The following HSPBAP1 variants were observed in gnomAD, a reference collection of about 807,000 sequenced individuals.
HSPBAP1 encodes the protein HSPB1-associated protein 1.
HSPBAP1 carries 27 observed loss-of-function variants against 45.2 expected under a neutral mutation model. The observed-to-expected ratio is 0.60, with a 90% confidence interval of 0.44 to 0.82. The LOEUF (loss-of-function observed/expected upper bound fraction) is 0.82, where lower values mean the gene tolerates loss of function less well. Among genes scored for constraint, HSPBAP1 ranks in the 40% least tolerant of loss-of-function variants. The pLI, the probability that HSPBAP1 is intolerant of heterozygous loss-of-function variation, is 0.00. For missense variants in HSPBAP1, 510 were observed against 590.9 expected (o/e 0.86, Z 1.42); for synonymous variants, 204 against 202.7 (o/e 1.01, Z -0.06).
chr3:122,775,665 C>T (rs1008139449), intron 2 of HSPBAP1, among the ~76,000 whole-genome samples: 1 of 152,108 alleles, frequency 6.6e-6, no homozygotes, highest in African/African-American at 2.4e-5. Context: ...GTGGAAAAAA[C>T]TGGAACTCTC....
In HSPBAP1 at chr3:122,793,737, T is replaced by C. The variant is rs1162444558; in HGVS notation, c.-57A>G. 119 of 1,552,532 alleles carry C rather than the reference T, an allele frequency of 7.7e-5. 2 individuals are homozygous for C. In the Middle Eastern group the frequency reaches 1.0e-3, roughly 13 times the overall value. On this transcript the variant is annotated 5_prime_UTR_variant, in exon 1 of 8. Transcript: ENST00000306103. ...AAGGCGGAGCGGAGCTGGGGTGGGGTCAGAGTAGGGGCCAAACTCCGAGAC... is the reference window on the plus strand; with the variant it reads ...AAGGCGGAGCGGAGCTGGGGTGGGGCCAGAGTAGGGGCCAAACTCCGAGAC...
chr3:122,757,327 T>C (rs1397167353), intron 4 of HSPBAP1, among the ~76,000 whole-genome samples: 1 of 152,168 alleles, frequency 6.6e-6, no homozygotes, highest in African/African-American at 2.4e-5. Flanking sequence ...GCACAACATA[T>C]ACTGGACAAC....
At chr3:122,791,020 T>A (rs1425602845) in intron 1 of HSPBAP1, among the ~76,000 whole-genome samples, 1 of 152,202 alleles carries the variant, frequency 6.6e-6, no homozygotes, top group Non-Finnish European at 1.5e-5. Flanking sequence ...CTATTAATAA[T>A]AAAAATGGTC....
intron 5 of HSPBAP1, chr3:122,753,082 G>T: frequency 1.5e-6 from 1 of 666,912 alleles, no homozygotes; most frequent in Non-Finnish European, 1.9e-6. Flanking sequence ...CCAATGAGAA[G>T]ATAAAGTATA....
At chr3:122,753,921 G>A (rs1044305275) in intron 5 of HSPBAP1, 1 of 983,494 alleles carries the variant, frequency 1.0e-6, no homozygotes, top group African/African-American at 1.7e-5. Flanking sequence ...AAGAGAAAAT[G>A]AATTGGCAAC....
At chr3:122,778,357 AAAAGAAC>A in intron 1 of HSPBAP1, among the ~76,000 whole-genome samples, 2 of 151,768 alleles carry the variant, frequency 1.3e-5, no homozygotes, top group Admixed American at 1.3e-4. Context: ...GAAAATACTG[AAAAGAAC>A]AAATTGATTG....
chr3:122,779,033 TC>T (rs1935301461), intron 1 of HSPBAP1, among the ~76,000 whole-genome samples: 1 of 147,468 alleles, frequency 6.8e-6, no homozygotes, highest in Non-Finnish European at 1.5e-5. Flanking sequence ...TCATTTTCTT[TC>T]TTTTTCTTTT....
chr3:122,769,417 T>C (rs1227710831), intron 2 of HSPBAP1, among the ~76,000 whole-genome samples: 1 of 152,188 alleles, frequency 6.6e-6, no homozygotes, highest in Non-Finnish European at 1.5e-5. Flanking sequence ...AAAAGATGTA[T>C]TATCTGTCCA....
chr3:122,754,356 T>C (rs886271827), intron 5 of HSPBAP1: 9 of 169,284 alleles, frequency 5.3e-5, no homozygotes, highest in Non-Finnish European at 7.2e-5. Context: ...CTTGAATACA[T>C]TATGCTATGT....
rs925200239 is a variant in HSPBAP1 at position 122,747,070 on chromosome 3, G to A, written c.825+5521C>T. 4.1e-4 allele frequency among the ~76,000 whole-genome samples: 63 copies of A among 152,208 alleles called. 1 individual carries two copies. Among genetic ancestry groups the A allele is most frequent in the African/African-American group, 1.4e-3 (59 of 41,528 alleles). ...CCGAGATTGCAGCCTCTGCCCGGCC[G>A]CCACCCCATCTGGGAAGTGAGGAGC... On this transcript the variant is annotated intron_variant, in intron 6 of 7. Transcript: ENST00000306103.
chr3:122,759,158 C>G (rs1025222098), intron 4 of HSPBAP1, 66 bp downstream of exon 4: 84 of 1,528,362 alleles, frequency 5.5e-5, no homozygotes, highest in Middle Eastern at 1.9e-4. Flanking sequence ...CTCTGCCACC[C>G]CTATTGCATG....
In HSPBAP1 at chr3:122,755,411, G is replaced by A; in HGVS notation, c.590C>T (p.Pro197Leu). ...ATAAAGGAAAGGAGTATCTTCAGGA[G>A]GAAAGAGATGCCATCGTTTCCTAAT... ...VQGRKRWHLF[P>L]PEDTPFLYPT... Residue 197 changes from proline to leucine, a missense_variant, in exon 5 of 8, where the codon CCT (proline) becomes CTT (leucine). By Grantham distance (98) the Pro-to-Leu change is moderately conservative. Coordinates refer to ENST00000306103, the MANE Select transcript of HSPBAP1 (RefSeq NM_024610.6). 2.0e-6 allele frequency: 3 copies of A among 1,495,018 alleles called. No homozygotes were observed. The highest frequency in any genetic ancestry group is 2.5e-5 in the East Asian group (1 of 40,564). 92.6% of individuals were successfully genotyped at this position (1,495,018 alleles called of 1,614,324 possible). A position where few individuals can be genotyped will look rare whatever the true frequency, so the allele number is the denominator to read the frequency against.
chr3:122,744,291 C>T (rs1025672776), intron 6 of HSPBAP1, among the ~76,000 whole-genome samples: 2 of 152,164 alleles, frequency 1.3e-5, no homozygotes, highest in African/African-American at 4.8e-5. Flanking sequence ...TCCTGCACCA[C>T]TTGAACAGAG....
intron 1 of HSPBAP1, among the ~76,000 whole-genome samples, chr3:122,788,524 C>T (rs59894875): frequency 0.042 from 6,404 of 152,260 alleles, 445 homozygotes; most frequent in African/African-American, 0.14. Flanking sequence ...AGCACTATTA[C>T]AATAGCTAAG....
rs1352395899 is a variant in HSPBAP1 at position 122,740,359 on chromosome 3, C to G, written c.1453G>C (p.Gly485Arg). The G allele has an allele frequency of 6.3e-7, 1 of 1,598,870 alleles. No individual in the cohort carries two copies. The highest frequency in any genetic ancestry group is 8.6e-7 in the Non-Finnish European group (1 of 1,168,718). Reference protein sequence around the residue: ...TRIVAQLLIQGRSL With the variant: ...TRIVAQLLIQRRSL ...TTCCACTTGAATCATAAACTTCTTCCTTGTATCAAAAGTTGTGCCACTATC... is the reference window on the plus strand; with the variant it reads ...TTCCACTTGAATCATAAACTTCTTCGTTGTATCAAAAGTTGTGCCACTATC... The change falls in exon 8 of 8, where the codon GGA becomes CGA. Residue 485 changes from glycine (G) to arginine (R), a missense_variant. Physicochemically the swap from Gly to Arg is moderately radical, Grantham distance 125 (BLOSUM62 -2). Coordinates refer to ENST00000306103, the MANE Select transcript of HSPBAP1 (RefSeq NM_024610.6).
rs956834445 is a variant in HSPBAP1 at position 122,741,333 on chromosome 3, A to G, written c.826-220T>C. On this transcript the variant is annotated intron_variant, in intron 6 of 7. Coordinates refer to ENST00000306103, the MANE Select transcript of HSPBAP1 (RefSeq NM_024610.6). ...TTTCACCAATCAAATTTAAGTATGT[A>G]TTCTATCTATAAGTCATGGCCTTAA... 1.8e-5 allele frequency: 10 copies of G among 562,342 alleles called. No individual in the cohort carries two copies. The South Asian group carries it at 2.2e-4, about 12-fold the overall frequency. 34.8% of individuals were successfully genotyped at this position (562,342 alleles called of 1,614,324 possible). A position where few individuals can be genotyped will look rare whatever the true frequency, so the allele number is the denominator to read the frequency against.
rs868066384 is a variant in HSPBAP1 at position 122,747,291 on chromosome 3, G to A, written c.825+5300C>T. Among the ~76,000 whole-genome samples the A allele has an allele frequency of 1.3e-4, 20 of 150,568 alleles. 1 individual carries two copies. In the East Asian group the frequency reaches 2.4e-3, roughly 18 times the overall value. On this transcript the variant is annotated intron_variant, in intron 6 of 7. Transcript: ENST00000306103. Reference sequence around the variant, plus strand: ...GCCCATCGTCTGAGATGTGGGGAGCGCCTCTGCCCGGCCGCGACCCCATCT... The same window carrying A: ...GCCCATCGTCTGAGATGTGGGGAGCACCTCTGCCCGGCCGCGACCCCATCT...
intron 3 of HSPBAP1, among the ~76,000 whole-genome samples, chr3:122,763,037 T>C (rs1485399105): frequency 1.3e-5 from 2 of 152,210 alleles, no homozygotes; most frequent in Non-Finnish European, 2.9e-5. Context: ...TTGAAACTGT[T>C]ATTGGGTTCA....
At chr3:122,783,166 T>C (rs1295965967) in intron 1 of HSPBAP1, among the ~76,000 whole-genome samples, 1 of 152,242 alleles carries the variant, frequency 6.6e-6, no homozygotes, top group Non-Finnish European at 1.5e-5. Flanking sequence ...AGGTGACCTT[T>C]ACATGGTAAA....
Sources: gnomAD v4.1 joint callset for allele counts (sites outside exome capture counted in the v4.1 genomes callset) on GRCh38, gnomAD v4.1.1 for gene constraint, MANE v1.5 for transcripts, NCBI Gene and HGNC (gene_info 2026-07-23, HGNC 2026-07-21) for gene names.